SPECC1: variants seen among roughly 807,000 people sequenced by gnomAD.
SPECC1 encodes sperm antigen with calponin homology and coiled-coil domains 1.
Under a neutral mutation model 104.1 loss-of-function variants are expected in SPECC1, and 62 were observed. That is an observed-to-expected ratio of 0.60 (90% CI 0.49 to 0.74). The LOEUF (loss-of-function observed/expected upper bound fraction) is 0.74, where lower values mean the gene tolerates loss of function less well. Among genes scored for constraint, SPECC1 ranks in the 30% least tolerant of loss-of-function variants. The pLI is 0.00. For synonymous variants in SPECC1, 513 were observed against 501.6 expected, an observed-to-expected ratio of 1.02 and a Z score of -0.30; for missense variants, 1,306 against 1,310.5, an observed-to-expected ratio of 1.00 and a Z score of 0.05.
intron 3 of SPECC1, among the ~76,000 whole-genome samples, chr17:20,137,335 G>T (rs2030120511): frequency 6.6e-6 from 1 of 152,200 alleles, no homozygotes; most frequent in Non-Finnish European, 1.5e-5. Context: ...TGTGATGTTG[G>T]ACAAGCTGCT....
intron 13 of SPECC1, among the ~76,000 whole-genome samples, chr17:20,300,940 G>A (rs1289400202): frequency 6.6e-6 from 1 of 152,208 alleles, no homozygotes; most frequent in African/African-American, 2.4e-5. Flanking sequence ...GAATTGGGTT[G>A]TGTCCCAGAG....
At chr17:20,112,401 C>T (rs1377748209) in intron 3 of SPECC1, 13 of 761,702 alleles carry the variant, frequency 1.7e-5, no homozygotes, top group Admixed American at 6.9e-5. Context: ...TCTAAACCAC[C>T]GGAGGATCAT....
At chr17:20,093,976 C>T (rs1174236149) in intron 1 of SPECC1, among the ~76,000 whole-genome samples, 1 of 151,984 alleles carries the variant, frequency 6.6e-6, no homozygotes, top group Non-Finnish European at 1.5e-5. Context: ...GGCAGTCCAT[C>T]CACCTTGGCC....
At chr17:20,312,745 G>T (rs1192144324) in intron 14 of SPECC1, among the ~76,000 whole-genome samples, 2 of 152,164 alleles carry the variant, frequency 1.3e-5, no homozygotes, top group African/African-American at 2.4e-5. Context: ...TTTTAAAATT[G>T]TTCTAGGTGT....
chr17:20,184,856 C>G (rs1017825897), intron 3 of SPECC1, among the ~76,000 whole-genome samples: 1 of 152,216 alleles, frequency 6.6e-6, no homozygotes, highest in Non-Finnish European at 1.5e-5. Flanking sequence ...AGTCCTAGAG[C>G]TTGATTTTGA....
At chr17:20,298,042 G>C (rs532928041) in intron 13 of SPECC1, among the ~76,000 whole-genome samples, 1 of 152,200 alleles carries the variant, frequency 6.6e-6, no homozygotes, top group Non-Finnish European at 1.5e-5. Context: ...CAGGGAGACT[G>C]CAGCGGTGAT....
At chr17:20,288,009 T>C (rs1009865493) in intron 12 of SPECC1, among the ~76,000 whole-genome samples, 8 of 151,852 alleles carry the variant, frequency 5.3e-5, no homozygotes, top group Non-Finnish European at 7.4e-5. Flanking sequence ...CCATGTGTTC[T>C]CATTTGTTCA....
At chr17:20,153,292 A>C (rs990605512) in intron 3 of SPECC1, among the ~76,000 whole-genome samples, 4 of 152,224 alleles carry the variant, frequency 2.6e-5, no homozygotes, top group Non-Finnish European at 5.9e-5. Flanking sequence ...AGAACTTCTG[A>C]AAGCTGAGGC....
chr17:20,164,573 T>G (rs1487299997), intron 3 of SPECC1, among the ~76,000 whole-genome samples: 2 of 152,180 alleles, frequency 1.3e-5, no homozygotes, highest in Admixed American at 6.5e-5. Context: ...GATATCAGCT[T>G]GAGCAACTTT....
At position 20,232,197 on chromosome 17, in the gene SPECC1, C is replaced by T. The variant is rs2038627394; in HGVS notation, c.2146-3C>T. On this transcript the variant is annotated splice_polypyrimidine_tract_variant and splice_region_variant and intron_variant, in intron 6 of 14. Transcript: ENST00000395527. The stretch of plus-strand genomic sequence containing the variant: ...ACATAAGGATGGGCTCTGACATTTT[C>T]AGGAGGAGACCGAGGAATGGAGGCG... 6.2e-7 allele frequency: 1 copy of T among 1,613,706 alleles called. No individual in the cohort carries two copies. Among genetic ancestry groups the T allele is most frequent in the Non-Finnish European group, 8.5e-7 (1 of 1,180,028 alleles).
intron 3 of SPECC1, among the ~76,000 whole-genome samples, chr17:20,204,061 T>A (rs2036604926): frequency 1.3e-5 from 2 of 152,160 alleles, no homozygotes; most frequent in Non-Finnish European, 2.9e-5. Context: ...TTGATCTTAA[T>A]TGAGTTGTGT....
intron 4 of SPECC1, among the ~76,000 whole-genome samples, chr17:20,221,956 C>T (rs769769740): frequency 1.3e-5 from 2 of 150,366 alleles, no homozygotes; most frequent in African/African-American, 4.9e-5. Context: ...TCCAAAGTTC[C>T]TCTTTGTGAT....
intron 1 of SPECC1, among the ~76,000 whole-genome samples, chr17:20,032,212 CTTACAG>C (rs1195965234): frequency 6.6e-6 from 1 of 152,044 alleles, no homozygotes; most frequent in Non-Finnish European, 1.5e-5. Context: ...CTGTTTTTGA[CTTACAG>C]CATTTTTACC....
chr17:20,195,856 A>C lies in SPECC1; in HGVS notation c.284-8477A>C, dbSNP rs1380158352. On this transcript the variant is annotated intron_variant, in intron 3 of 14. Coordinates refer to ENST00000395527, the MANE Select transcript of SPECC1 (RefSeq NM_001243439.2). ...CATAAACTTTTTATAACCCTTTACAAGTTTTTGTTAAAGAGCAGGTCATAA... is the reference window on the plus strand; with the variant it reads ...CATAAACTTTTTATAACCCTTTACACGTTTTTGTTAAAGAGCAGGTCATAA... Among the ~76,000 whole-genome samples the C allele has an allele frequency of 5.3e-5, 8 of 152,308 alleles. No individual in the cohort carries two copies. The South Asian group carries it at 1.5e-3, about 28-fold the overall frequency.
chr17:20,232,104 T>G, intron 6 of SPECC1, 96 bp from the exon 7 acceptor site: 1 of 1,455,692 alleles, frequency 6.9e-7, no homozygotes, highest in Non-Finnish European at 9.5e-7. Flanking sequence ...CTGATGGCAT[T>G]TTTTTCTTGG....
chr17:20,148,985 G>A (rs1313274474), intron 3 of SPECC1, among the ~76,000 whole-genome samples: 1 of 152,118 alleles, frequency 6.6e-6, no homozygotes, highest in East Asian at 1.9e-4. Context: ...GCCTCCCAAA[G>A]TGCTGGGATT....
chr17:20,234,991 C>A (rs1473817329), intron 7 of SPECC1, among the ~76,000 whole-genome samples: 1 of 152,350 alleles, frequency 6.6e-6, no homozygotes, highest in African/African-American at 2.4e-5. Flanking sequence ...TCTTTGCAGT[C>A]AACCAGCAAT....
At chr17:20,212,807 A>C (rs2037242439) in intron 4 of SPECC1, among the ~76,000 whole-genome samples, 1 of 152,260 alleles carries the variant, frequency 6.6e-6, no homozygotes, top group African/African-American at 2.4e-5. Context: ...ATGTCAGAGA[A>C]ACTTGCAGCA....
intron 7 of SPECC1, chr17:20,238,519 T>C (rs1183812496): frequency 9.6e-7 from 1 of 1,041,748 alleles, no homozygotes; most frequent in East Asian, 5.8e-5. Flanking sequence ...AAAGGAAAAT[T>C]AGGAACAGGA....
Sources: gnomAD v4.1 joint callset for allele counts (sites outside exome capture counted in the v4.1 genomes callset) on GRCh38, gnomAD v4.1.1 for gene constraint, MANE v1.5 for transcripts, NCBI Gene and HGNC (gene_info 2026-07-23, HGNC 2026-07-21) for gene names.